Variants in MYH14 observed in about 807,000 individuals in gnomAD.
MYH14 encodes myosin-14.
In MYH14, 123 loss-of-function variants were observed where a neutral mutation model predicts 255.5. The ratio of observed to expected loss-of-function variants is 0.48; its 90% CI spans 0.42 to 0.56. The LOEUF (loss-of-function observed/expected upper bound fraction) is 0.56. Among genes scored for constraint, MYH14 ranks in the 20% least tolerant of loss-of-function variants. The pLI is 0.00. For missense variants in MYH14, 2,423 were observed against 2,802.3 expected, an observed-to-expected ratio of 0.86 and a Z score of 3.06; for synonymous variants, 1,095 against 1,161.2, an observed-to-expected ratio of 0.94 and a Z score of 1.16.
At chr19:50,275,151 C>T (rs1171711611) in intron 27 of MYH14, among the ~76,000 whole-genome samples, 1 of 152,176 alleles carries the variant, frequency 6.6e-6, no homozygotes, top group South Asian at 2.1e-4. Context: ...CAGGACCCTG[C>T]CCTTCTTAAG....
At chr19:50,224,032 T>TGGCCCCCCCCCCCCCCCCCCCCCCCCCCC in intron 5 of MYH14, 122 bp from the exon 6 acceptor site, 1 of 610,326 alleles carries the variant, frequency 1.6e-6, no homozygotes, top group Non-Finnish European at 3.0e-6. Context: ...ATGCCCGGTT[T>TGGCCCCCCCCCCCCCCCCCCCCCCCCCCC]CCCCAGTCCC....
At chr19:50,282,732 T>G (rs2123426810) in intron 33 of MYH14, among the ~76,000 whole-genome samples, 1 of 152,236 alleles carries the variant, frequency 6.6e-6, no homozygotes, top group East Asian at 1.9e-4. Context: ...AAAAAAAATT[T>G]TTTTAAATTG....
At chr19:50,279,073 A>G (rs1261716026) in intron 30 of MYH14, among the ~76,000 whole-genome samples, 1 of 152,202 alleles carries the variant, frequency 6.6e-6, no homozygotes, top group Non-Finnish European at 1.5e-5. Context: ...GGCCATCACC[A>G]TAATCTAATT....
At chr19:50,305,186 G>A (rs2036614555) in intron 40 of MYH14, among the ~76,000 whole-genome samples, 1 of 152,012 alleles carries the variant, frequency 6.6e-6, no homozygotes, top group South Asian at 2.1e-4. Context: ...ATGGATCAGA[G>A]GAGGGAGACT....
chr19:50,301,764 G>T lies in MYH14; in HGVS notation c.5573G>T (p.Arg1858Leu), dbSNP rs11882073. ...CGGCAGATCCAGGAGCTACGGGGACGCCTGGGTGAGGAGGATGCTGGGGCC... is the reference window on the plus strand; with the variant it reads ...CGGCAGATCCAGGAGCTACGGGGACTCCTGGGTGAGGAGGATGCTGGGGCC... ...LERQIQELRG[R>L]LGEEDAGARA... Residue 1858 changes from arginine to leucine, a missense_variant, in exon 40 of 43, where the codon CGC becomes CTC. Physicochemically the swap from Arg to Leu is moderately radical, Grantham distance 102. Coordinates refer to ENST00000642316, the MANE Select transcript of MYH14 (RefSeq NM_001145809.2). 13 of 1,613,800 alleles carry T rather than the reference G, an allele frequency of 8.1e-6. No homozygotes were observed. The African/African-American group carries it at 1.6e-4, about 20-fold the overall frequency.
intron 27 of MYH14, 71 bp from the exon 28 acceptor site, chr19:50,275,920 T>A: frequency 8.0e-7 from 1 of 1,254,936 alleles, no homozygotes; most frequent in African/African-American, 1.5e-5. Flanking sequence ...ATCCAGCCTC[T>A]CAGTCCCCAG....
At chr19:50,273,147 T>A (rs941372652) in intron 27 of MYH14, among the ~76,000 whole-genome samples, 1 of 151,794 alleles carries the variant, frequency 6.6e-6, no homozygotes, top group Non-Finnish European at 1.5e-5. Flanking sequence ...AAAAGTTAGC[T>A]GGGTGTGGTG....
At chr19:50,259,651 G>A (rs993158082) in intron 19 of MYH14, among the ~76,000 whole-genome samples, 16 of 152,340 alleles carry the variant, frequency 1.1e-4, no homozygotes, top group Admixed American at 9.8e-4. Flanking sequence ...GGCCGAGGCA[G>A]ACAGATCACC....
intron 22 of MYH14, among the ~76,000 whole-genome samples, chr19:50,264,783 C>A (rs1431147930): frequency 6.6e-6 from 1 of 152,174 alleles, no homozygotes; most frequent in East Asian, 1.9e-4. Flanking sequence ...ATGTGACCAT[C>A]CCAGAGCCAG....
chr19:50,208,794 G>A (rs2031985913), intron 1 of MYH14, among the ~76,000 whole-genome samples: 1 of 152,010 alleles, frequency 6.6e-6, no homozygotes, highest in Admixed American at 6.6e-5. Context: ...CTATCTTTTT[G>A]TTGTACTAAG....
At position 50,260,876 on chromosome 19, in the gene MYH14, CGTGTGTGTGCATGT is replaced by C. The variant is rs879712211; in HGVS notation, c.2424+175_2424+188del. Among the ~76,000 whole-genome samples the C allele has an allele frequency of 0.01, 1,557 of 149,382 alleles. 11 individuals carry two copies. The highest frequency in any genetic ancestry group is 0.017 in the Non-Finnish European group (1,165 of 67,286). On this transcript the variant is annotated intron_variant, in intron 20 of 42. Coordinates refer to ENST00000642316, the MANE Select transcript of MYH14 (RefSeq NM_001145809.2). ...GTGTGTGCATGCATATGTGTGCATGCGTGTGTGTGCATGTGTGTGTGTGCATGCGTTTGTGTGCA... is the reference window on the plus strand; with the variant it reads ...GTGTGTGCATGCATATGTGTGCATGCGTGTGTGTGCATGCGTTTGTGTGCA...
At position 50,252,414 on chromosome 19, in the gene MYH14, T is replaced by C. The variant is rs1600945722; in HGVS notation, c.1831-225T>C. Among the ~76,000 whole-genome samples the C allele has an allele frequency of 6.6e-6, 1 of 151,336 alleles. No homozygotes were observed. The highest frequency in any genetic ancestry group is 6.6e-5 in the Admixed American group (1 of 15,188). Reference sequence around the variant, plus strand: ...GGAATGAATAGGAAGAAAGTGGTGGTGGTGGAGGTCACAGAGGTGGCAGGG... The same window carrying C: ...GGAATGAATAGGAAGAAAGTGGTGGCGGTGGAGGTCACAGAGGTGGCAGGG... On this transcript the variant is annotated intron_variant, in intron 15 of 42. Coordinates refer to ENST00000642316, the MANE Select transcript of MYH14 (RefSeq NM_001145809.2). This position sits in a 1 kb window ranked among gnomAD's most constrained non-coding sequence, Gnocchi z 4.2.
chr19:50,278,007 G>T (rs1396822091), intron 29 of MYH14, 76 bp from the exon 30 acceptor site: 3 of 1,165,602 alleles, frequency 2.6e-6, no homozygotes, highest in Non-Finnish European at 3.5e-6. Flanking sequence ...CAGTGCAAAG[G>T]CCCTGAGATG....
chr19:50,228,050 A>G (rs1010369043), intron 8 of MYH14, among the ~76,000 whole-genome samples: 6 of 152,168 alleles, frequency 3.9e-5, no homozygotes, highest in African/African-American at 1.2e-4. Context: ...TTGGGAGGCC[A>G]AGGCCGGTGG....
intron 10 of MYH14, among the ~76,000 whole-genome samples, chr19:50,233,960 CGT>C (rs2033537910): frequency 6.6e-6 from 1 of 151,894 alleles, no homozygotes; most frequent in African/African-American, 2.4e-5. Flanking sequence ...GGATCACAGG[CGT>C]GTGTGCCACC....
chr19:50,224,283 C>A, intron 6 of MYH14, 106 bp downstream of exon 6: 1 of 1,458,682 alleles, frequency 6.9e-7, no homozygotes, highest in Non-Finnish European at 9.6e-7. Flanking sequence ...AGTGGTCCCA[C>A]CTGCCAGGGA....
rs547651130 is a variant in MYH14, at chr19:50,261,743, A to AG, written c.2585+110dup. On this transcript the variant is annotated intron_variant, in intron 21 of 42. Coordinates refer to ENST00000642316, the MANE Select transcript of MYH14 (RefSeq NM_001145809.2). The stretch of plus-strand genomic sequence containing the variant: ...GGCCTCCAGGATGGGTGCAGGGCTG[A>AG]GGAGCAGGTGGATGGAGGTGCCGGG... 511 of 1,109,844 alleles carry AG rather than the reference A, an allele frequency of 4.6e-4. 1 individual carries two copies. In the African/African-American group the frequency reaches 7.7e-3, roughly 17 times the overall value. 68.7% of individuals were successfully genotyped at this position (1,109,844 alleles called of 1,614,324 possible). A position where few individuals can be genotyped will look rare whatever the true frequency, so the allele number is the denominator to read the frequency against.
At chr19:50,251,490 T>TATATATATATACAC (rs1568500191) in intron 15 of MYH14, among the ~76,000 whole-genome samples, 8 of 130,796 alleles carry the variant, frequency 6.1e-5, no homozygotes, top group African/African-American at 2.3e-4. Flanking sequence ...TATACACACA[T>TATATATATATACAC]ATATATATAC....
In MYH14 at chr19:50,249,639, C is replaced by A. The variant is rs760716630; in HGVS notation, c.1483-11C>A. ...CCATCCTCCCAGCTCACGTGTCCTG[C>A]GTCCCTGCAGCTGAACTCCTTCGAG... is the stretch of plus-strand genomic sequence containing the variant. On this transcript the variant is annotated splice_polypyrimidine_tract_variant and intron_variant, in intron 13 of 42. Transcript: ENST00000642316. The A allele has an allele frequency of 1.4e-5, 22 of 1,614,018 alleles. No homozygotes were observed. The highest frequency in any genetic ancestry group is 1.9e-5 in the Non-Finnish European group (22 of 1,179,970).
Sources: allele counts gnomAD v4.1 joint callset (sites outside exome capture counted in the v4.1 genomes callset), GRCh38; gene constraint gnomAD v4.1.1; non-coding constraint Gnocchi (gnomAD v3.1); transcripts MANE v1.5; gene names NCBI Gene and HGNC (gene_info 2026-07-23, HGNC 2026-07-21).